The following VPS13B variants were observed in gnomAD, a reference collection of about 807,000 sequenced individuals.
VPS13B encodes vacuolar protein sorting 13 homolog B, also known as intermembrane lipid transfer protein VPS13B.
VPS13B carries 285 observed loss-of-function variants against 426.4 expected under a neutral mutation model. The observed-to-expected ratio is 0.67, with a 90% CI of 0.61 to 0.74. VPS13B has a LOEUF of 0.74. Among genes scored for constraint, VPS13B ranks in the 30% least tolerant of loss-of-function variants. The pLI, the probability that VPS13B is intolerant of heterozygous loss-of-function variation, is 0.00. For missense variants in VPS13B, 4,537 were observed against 4,782.6 expected, an observed-to-expected ratio of 0.95 and a Z score of 1.51; for synonymous variants, 1,676 against 1,676.4, an observed-to-expected ratio of 1.00 and a Z score of 0.01.
At chr8:99,575,611 C>G (rs769556025) in intron 31 of VPS13B, 47 bp from the exon 32 acceptor site, 2 of 1,611,574 alleles carry the variant, frequency 1.2e-6, no homozygotes, top group Non-Finnish European at 1.7e-6. Context: ...TGAAAATTGT[C>G]TTTGAAAATA....
At chr8:99,691,326 T>A (rs889732529) in intron 35 of VPS13B, among the ~76,000 whole-genome samples, 4 of 151,972 alleles carry the variant, frequency 2.6e-5, no homozygotes, top group African/African-American at 9.7e-5. Flanking sequence ...CAAACTTGTG[T>A]ATACTAAAAA....
At position 99,524,838 on chromosome 8, in the gene VPS13B, A is replaced by G. The variant is rs139113167; in HGVS notation, c.4745+3828A>G. On this transcript the variant is annotated intron_variant, in intron 30 of 61. Transcript: ENST00000357162. ...ACAACTGAGCTCCAGTATGTCTGGC[A>G]GCAGACTTTTCAGTGGAAATCTTAC... 9.0e-3 allele frequency among the ~76,000 whole-genome samples: 1,365 copies of G among 152,280 alleles called. 28 individuals carry two copies. Among genetic ancestry groups the G allele is most frequent in the African/African-American group, 0.032 (1,318 of 41,548 alleles).
At chr8:99,449,518 G>C (rs555448370) in intron 23 of VPS13B, among the ~76,000 whole-genome samples, 4 of 152,262 alleles carry the variant, frequency 2.6e-5, no homozygotes, top group South Asian at 2.1e-4. Flanking sequence ...GTCATTTATA[G>C]AGTGACAAAT....
intron 3 of VPS13B, among the ~76,000 whole-genome samples, chr8:99,056,399 G>A (rs972874704): frequency 2.0e-5 from 3 of 152,092 alleles, no homozygotes; most frequent in African/African-American, 4.8e-5. Flanking sequence ...TGCCAGATTC[G>A]TTTGTTAGCT....
chr8:99,584,997 A>AT, intron 33 of VPS13B, among the ~76,000 whole-genome samples: 1 of 152,288 alleles, frequency 6.6e-6, no homozygotes, highest in Non-Finnish European at 1.5e-5. Context: ...AACTGACTTA[A>AT]TTTTTCTTAC....
chr8:99,818,655 A>G, intron 46 of VPS13B, 58 bp from the exon 47 acceptor site: 2 of 1,607,972 alleles, frequency 1.2e-6, no homozygotes, highest in East Asian at 2.2e-5. Context: ...AGCATCAAAC[A>G]GCTGGAATAC....
intron 39 of VPS13B, among the ~76,000 whole-genome samples, chr8:99,752,349 T>C (rs1810438015): frequency 6.6e-6 from 1 of 152,216 alleles, no homozygotes; most frequent in Non-Finnish European, 1.5e-5. Context: ...TTTCATCTAA[T>C]CAAGGGATCA....
In VPS13B at chr8:99,871,574, T is replaced by C. The variant is rs1429011710; in HGVS notation, c.11622T>C (p.Ser3874=). The change falls in exon 61 of 62, where the codon AGT becomes AGC. Residue 3874 remains serine (S), a synonymous_variant. Coordinates refer to ENST00000357162, the MANE Select transcript of VPS13B (RefSeq NM_152564.5). ...CATCAGAAGTGCTCTTCGTGGTGAG[T>C]GTCAGTGAGGACACACAGCAGCAGG... ...LLTSEVLFVV[S]VSEDTQQQAF... is the part of the protein sequence containing the mutation. 1.1e-5 allele frequency: 18 copies of C among 1,614,008 alleles called. No individual in the cohort carries two copies. Among genetic ancestry groups the C allele is most frequent in the Non-Finnish European group, 1.4e-5 (17 of 1,180,034 alleles).
At chr8:99,874,837 T>A (rs1817611111) in intron 61 of VPS13B, among the ~76,000 whole-genome samples, 1 of 152,192 alleles carries the variant, frequency 6.6e-6, no homozygotes, top group Admixed American at 6.5e-5. Flanking sequence ...AATTTCCCCT[T>A]CCGCTGCCCA....
chr8:99,830,049 G>A (rs1018893996), intron 51 of VPS13B, among the ~76,000 whole-genome samples: 8 of 152,210 alleles, frequency 5.3e-5, no homozygotes, highest in Non-Finnish European at 8.8e-5. Context: ...CTGCTGGGAG[G>A]TTTCTCCTCA....
chr8:99,659,116 C>T (rs1830128132), intron 34 of VPS13B, among the ~76,000 whole-genome samples: 1 of 151,992 alleles, frequency 6.6e-6, no homozygotes, highest in Admixed American at 6.6e-5. Flanking sequence ...ATTGCAGACC[C>T]GTTGTCAGTT....
At chr8:99,064,603 C>T (rs1844372011) in intron 3 of VPS13B, among the ~76,000 whole-genome samples, 1 of 152,114 alleles carries the variant, frequency 6.6e-6, no homozygotes, top group African/African-American at 2.4e-5. Flanking sequence ...AAATATGGGA[C>T]TATGTGAAAA....
chr8:99,579,991 C>T (rs1330357367), intron 33 of VPS13B, among the ~76,000 whole-genome samples: 4 of 152,090 alleles, frequency 2.6e-5, no homozygotes, highest in Non-Finnish European at 4.4e-5. Flanking sequence ...AGCTACTGTG[C>T]CTAGCCAACA....
intron 43 of VPS13B, among the ~76,000 whole-genome samples, chr8:99,785,783 T>C (rs932025792): frequency 6.6e-6 from 1 of 152,164 alleles, no homozygotes; most frequent in African/African-American, 2.4e-5. Flanking sequence ...TCCAACCACC[T>C]AGAGAGAACT....
chr8:99,696,111 C>T (rs1831986895), intron 35 of VPS13B: 2 of 158,680 alleles, frequency 1.3e-5, no homozygotes, highest in South Asian at 1.8e-4. Context: ...CGCACGGTGG[C>T]GAGAGTGCCA....
At chr8:99,128,779 A>G (rs946102317) in intron 8 of VPS13B, among the ~76,000 whole-genome samples, 4 of 152,110 alleles carry the variant, frequency 2.6e-5, no homozygotes, top group Non-Finnish European at 4.4e-5. Context: ...TAAATTTAGC[A>G]TAGATTTTCT....
At chr8:99,784,127 A>G (rs1812145452) in intron 42 of VPS13B, among the ~76,000 whole-genome samples, 188 bp from the exon 43 acceptor site, 1 of 152,232 alleles carries the variant, frequency 6.6e-6, no homozygotes, top group Non-Finnish European at 1.5e-5. Context: ...TGGAACATTT[A>G]AAATCTCTTA....
intron 31 of VPS13B, among the ~76,000 whole-genome samples, chr8:99,565,883 C>A (rs376421972): frequency 6.6e-6 from 1 of 152,270 alleles, no homozygotes; most frequent in East Asian, 1.9e-4. Context: ...CTTTGGGAGG[C>A]CAAATCTAAT....
At chr8:99,096,228 A>C (rs1846408180) in intron 3 of VPS13B, 84 bp from the exon 4 acceptor site, 1 of 1,498,016 alleles carries the variant, frequency 6.7e-7, no homozygotes, top group Non-Finnish European at 9.1e-7. Context: ...TAGCTACCAT[A>C]AACTGCATAT....
Sources: allele counts gnomAD v4.1 joint callset (sites outside exome capture counted in the v4.1 genomes callset), GRCh38; gene constraint gnomAD v4.1.1; transcripts MANE v1.5; gene names NCBI Gene and HGNC (gene_info 2026-07-23, HGNC 2026-07-21).